Variants in SLC30A7 observed in about 807,000 individuals in gnomAD.
SLC30A7 encodes solute carrier family 30 member 7.
A neutral mutation model predicts 46.0 loss-of-function variants in SLC30A7; 35 were observed. That is an observed-to-expected ratio of 0.76 (90% confidence interval 0.58 to 1.01). SLC30A7 has a LOEUF of 1.01. SLC30A7 is among the 50% of genes least tolerant of loss of function. SLC30A7 has a pLI of 0.00. For missense variants in SLC30A7, 464 were observed against 451.1 expected, an observed-to-expected ratio of 1.03 and a Z score of -0.26; for synonymous variants, 147 against 157.8, an observed-to-expected ratio of 0.93 and a Z score of 0.51.
chr1:100,971,580 A>G (rs1656163338), intron 10 of SLC30A7, among the ~76,000 whole-genome samples: 1 of 152,158 alleles, frequency 6.6e-6, no homozygotes, highest in Admixed American at 6.5e-5. Context: ...TAACAGCACC[A>G]GCAGCTAGTA....
chr1:100,928,811 G>C (rs1182022691), intron 8 of SLC30A7, among the ~76,000 whole-genome samples: 2 of 151,972 alleles, frequency 1.3e-5, no homozygotes, highest in African/African-American at 4.8e-5. Context: ...TCATTTTTAG[G>C]CACATTTTTA....
At chr1:100,960,946 T>A (rs1255335631) in intron 8 of SLC30A7, among the ~76,000 whole-genome samples, 2 of 127,070 alleles carry the variant, frequency 1.6e-5, no homozygotes, top group African/African-American at 6.1e-5. Context: ...TTGTTTTGTG[T>A]GTTTTTTTTT....
the SLC30A7 span, among the ~76,000 whole-genome samples, chr1:100,986,986 A>G: frequency 6.6e-6 from 1 of 152,222 alleles, no homozygotes; most frequent in African/African-American, 2.4e-5. Flanking sequence ...TGAAAACACT[A>G]TTGTTCATCC....
At chr1:100,992,913 T>G in the SLC30A7 span, among the ~76,000 whole-genome samples, 1 of 152,246 alleles carries the variant, frequency 6.6e-6, no homozygotes, top group South Asian at 2.1e-4. Context: ...TGTTCATTTC[T>G]TAAGCTTTTT....
intron 2 of SLC30A7, among the ~76,000 whole-genome samples, chr1:100,904,420 T>C (rs1442682940): frequency 6.6e-6 from 1 of 152,220 alleles, no homozygotes; most frequent in Non-Finnish European, 1.5e-5. Flanking sequence ...TCATATTTTT[T>C]TGTCCACTTT....
chr1:100,983,268 A>T (rs1570620266), downstream of SLC30A7, among the ~76,000 whole-genome samples: 4 of 152,112 alleles, frequency 2.6e-5, no homozygotes, highest in African/African-American at 9.7e-5. Flanking sequence ...AGACAGAATG[A>T]CAGCAATTTA....
chr1:100,969,683 C>T (rs543393274), intron 10 of SLC30A7, among the ~76,000 whole-genome samples: 1 of 152,152 alleles, frequency 6.6e-6, no homozygotes, highest in Non-Finnish European at 1.5e-5. Flanking sequence ...ATATTTTAAG[C>T]CTTTTTATCA....
At chr1:100,926,494 C>T (rs567078289) in intron 8 of SLC30A7, among the ~76,000 whole-genome samples, 4 of 152,214 alleles carry the variant, frequency 2.6e-5, no homozygotes, top group Admixed American at 2.6e-4. Flanking sequence ...ATTGTGAAGA[C>T]AGCACCAAGC....
downstream of SLC30A7, among the ~76,000 whole-genome samples, chr1:100,983,684 A>G (rs1479685774): frequency 6.6e-6 from 1 of 152,208 alleles, no homozygotes; most frequent in Non-Finnish European, 1.5e-5. Context: ...TAATACAAAG[A>G]CCTTATAAAA....
At position 100,976,303 on chromosome 1, in the gene SLC30A7, T is replaced by G. The variant is rs1417950691; in HGVS notation, c.*1446T>G. ...TGCCAAGTCATCCACTTTGTTTTCC[T>G]GTTTAGGCTTTGCACAAATACAATT... is the stretch of plus-strand genomic sequence containing the variant. On this transcript the variant is annotated 3_prime_UTR_variant, in exon 11 of 11. Coordinates refer to ENST00000357650, the MANE Select transcript of SLC30A7 (RefSeq NM_133496.5). 1 of 152,236 alleles carries G rather than the reference T, an allele frequency of 6.6e-6. No homozygotes were observed. The highest frequency in any genetic ancestry group is 1.5e-5 in the Non-Finnish European group (1 of 68,044). The allele number at this position is 152,236 out of a possible 1,614,324, so 9.4% of individuals were successfully genotyped here. A position where few individuals can be genotyped will look rare whatever the true frequency, so the allele number is the denominator to read the frequency against.
intron 10 of SLC30A7, among the ~76,000 whole-genome samples, chr1:100,971,788 A>C (rs1656173175): frequency 6.6e-6 from 1 of 152,162 alleles, no homozygotes; most frequent in Non-Finnish European, 1.5e-5. Context: ...CAGTTTTTCA[A>C]GACTTCATTT....
chr1:100,983,622 T>C (rs532278942), downstream of SLC30A7, among the ~76,000 whole-genome samples: 1 of 152,238 alleles, frequency 6.6e-6, no homozygotes. Flanking sequence ...TTAAAGTGAA[T>C]AGTACTCTTT....
chr1:100,928,644 C>T (rs905655268), intron 8 of SLC30A7, among the ~76,000 whole-genome samples: 6 of 151,578 alleles, frequency 4.0e-5, no homozygotes, highest in Non-Finnish European at 5.9e-5. Flanking sequence ...ATGCATATGA[C>T]ATATTCTTTG....
chr1:100,960,947 GTT>G (rs11354218), intron 8 of SLC30A7, among the ~76,000 whole-genome samples: 881 of 86,362 alleles, frequency 0.01, 11 homozygotes, highest in African/African-American at 0.035. Context: ...TGTTTTGTGT[GTT>G]TTTTTTTTTT....
chr1:100,970,212 G>A (rs955017928), intron 10 of SLC30A7, among the ~76,000 whole-genome samples: 1 of 151,900 alleles, frequency 6.6e-6, no homozygotes, highest in African/African-American at 2.4e-5. Context: ...ACATTTTTAG[G>A]TATCTTTCTT....
rs536847310 is a variant in SLC30A7 at position 100,935,702 on chromosome 1, G to C, written c.842+13861G>C. 9.9e-5 allele frequency among the ~76,000 whole-genome samples: 15 copies of C among 152,194 alleles called. No individual in the cohort carries two copies. The South Asian group carries it at 2.9e-3, about 29-fold the overall frequency. On this transcript the variant is annotated intron_variant, in intron 8 of 10. Transcript: ENST00000357650. The stretch of plus-strand genomic sequence containing the variant: ...AGCTTTCCTCTAAAAAAAATTAATA[G>C]CTTTATTTTAAGGTCTGTATATTGT...
chr1:100,992,627 T>C, the SLC30A7 span: 1 of 1,605,826 alleles, frequency 6.2e-7, no homozygotes, highest in Non-Finnish European at 8.5e-7. Context: ...CCTTCTAGTG[T>C]CTTGAGTACC....
intron 8 of SLC30A7, among the ~76,000 whole-genome samples, chr1:100,954,526 G>A (rs1253431034): frequency 6.6e-6 from 1 of 152,066 alleles, no homozygotes; most frequent in Non-Finnish European, 1.5e-5. Flanking sequence ...AGATGCATTA[G>A]GTGTTATAAC....
chr1:100,932,751 C>A (rs914157654), intron 8 of SLC30A7, among the ~76,000 whole-genome samples: 3 of 151,858 alleles, frequency 2.0e-5, no homozygotes, highest in African/African-American at 7.3e-5. Context: ...GAGAGAGAAA[C>A]CTATACACAA....
Sources: allele counts gnomAD v4.1 joint callset (sites outside exome capture counted in the v4.1 genomes callset), GRCh38; gene constraint gnomAD v4.1.1; transcripts MANE v1.5; gene names NCBI Gene and HGNC (gene_info 2026-07-23, HGNC 2026-07-21).